Variants in DSCAML1 observed in about 807,000 individuals in gnomAD.
DSCAML1 encodes the protein cell adhesion molecule DSCAML1.
DSCAML1 carries 38 observed loss-of-function variants against 200.5 expected under a neutral mutation model. The ratio of observed to expected loss-of-function variants is 0.19; its 90% CI spans 0.15 to 0.25. DSCAML1 has a LOEUF of 0.25. DSCAML1 is among the 10% of genes least tolerant of loss of function. The pLI, the probability that DSCAML1 is intolerant of heterozygous loss-of-function variation, is 1.00. For synonymous variants in DSCAML1, 1,215 were observed against 1,165.0 expected, an observed-to-expected ratio of 1.04 and a Z score of -0.87; for missense variants, 2,223 against 2,858.8, an observed-to-expected ratio of 0.78 and a Z score of 5.07.
chr11:117,640,688 G>A (rs778240576), intron 3 of DSCAML1, among the ~76,000 whole-genome samples: 1 of 152,092 alleles, frequency 6.6e-6, no homozygotes, highest in Non-Finnish European at 1.5e-5. Context: ...TTTCTTTCAC[G>A]TGGTGCTTGC....
intron 3 of DSCAML1, among the ~76,000 whole-genome samples, chr11:117,705,223 C>A (rs2137755388): frequency 6.6e-6 from 1 of 152,264 alleles, no homozygotes. Flanking sequence ...TCCCAGAGAA[C>A]CCTCTGATGG....
intron 14 of DSCAML1, among the ~76,000 whole-genome samples, chr11:117,479,881 C>T (rs2048874330): frequency 6.6e-6 from 1 of 152,156 alleles, no homozygotes; most frequent in South Asian, 2.1e-4. Context: ...CTCCTGACCT[C>T]AGGTGATCCA....
intron 3 of DSCAML1, among the ~76,000 whole-genome samples, chr11:117,616,640 T>C (rs1250356462): frequency 6.6e-6 from 1 of 152,034 alleles, no homozygotes; most frequent in Non-Finnish European, 1.5e-5. Context: ...CTTTTTTTGG[T>C]TGGGGAGGAG....
At chr11:117,666,627 C>G (rs1300785053) in intron 3 of DSCAML1, among the ~76,000 whole-genome samples, 1 of 152,202 alleles carries the variant, frequency 6.6e-6, no homozygotes, top group Non-Finnish European at 1.5e-5. Context: ...AGAACAGCCT[C>G]AGCCTCAGGT....
At chr11:117,732,300 A>G (rs891371659) in intron 3 of DSCAML1, among the ~76,000 whole-genome samples, 7 of 152,246 alleles carry the variant, frequency 4.6e-5, no homozygotes, top group Non-Finnish European at 7.3e-5. Flanking sequence ...AAAGAGACCA[A>G]GAAATGGGCC....
chr11:117,605,551 G>A lies in DSCAML1; in HGVS notation c.512-73029C>T, dbSNP rs537105589. Among the ~76,000 whole-genome samples the A allele has an allele frequency of 8.7e-4, 132 of 152,332 alleles. 1 individual carries two copies. The highest frequency in any genetic ancestry group is 3.1e-3 in the African/African-American group (130 of 41,568). On this transcript the variant is annotated intron_variant, in intron 3 of 32. Coordinates refer to ENST00000651296, the MANE Select transcript of DSCAML1 (RefSeq NM_020693.4). ...TGCCACCTGGCTTCTTTTAGTCCTG[G>A]GCACGTGGAGTCTGTCGTTGTTGGA... is the stretch of plus-strand genomic sequence containing the variant.
rs117445482 is a variant in DSCAML1 at position 117,679,529 on chromosome 11, C to T, written c.511+97262G>A. On this transcript the variant is annotated intron_variant, in intron 3 of 32. Transcript: ENST00000651296. ...AATTTCTCTGACAACCTTGGCCATA[C>T]CCGGTACCCCAGCATAGCCTGCTCA... Among the ~76,000 whole-genome samples, 22 of 152,318 alleles carry T rather than the reference C, an allele frequency of 1.4e-4. No homozygotes were observed. In the East Asian group the frequency reaches 4.1e-3, roughly 28 times the overall value.
intron 3 of DSCAML1, among the ~76,000 whole-genome samples, chr11:117,717,760 A>G (rs557023222): frequency 6.6e-6 from 1 of 152,230 alleles, no homozygotes; most frequent in African/African-American, 2.4e-5. Context: ...GCTGTCCTCG[A>G]GGCACATCTG....
At position 117,698,455 on chromosome 11, in the gene DSCAML1, T is replaced by C. The variant is rs759311203; in HGVS notation, c.511+78336A>G. Among the ~76,000 whole-genome samples, 132 of 152,344 alleles carry C rather than the reference T, an allele frequency of 8.7e-4. 1 individual carries two copies. Among genetic ancestry groups the C allele is most frequent in the Non-Finnish European group, 2.4e-4 (16 of 68,012 alleles). ...CTTGTACATCCTCAATCTATAAATA[T>C]TAAACAAAACTTTTTGGGAACTATC... On this transcript the variant is annotated intron_variant, in intron 3 of 32. Coordinates refer to ENST00000651296, the MANE Select transcript of DSCAML1 (RefSeq NM_020693.4).
chr11:117,815,625 T>G (rs1432157829), intron 1 of DSCAML1, among the ~76,000 whole-genome samples: 1 of 151,994 alleles, frequency 6.6e-6, no homozygotes, highest in Non-Finnish European at 1.5e-5. Flanking sequence ...GCAGCCGCGG[T>G]GACTGGCGGC....
chr11:117,440,572 C>T (rs1470275296), intron 21 of DSCAML1, among the ~76,000 whole-genome samples: 5 of 152,126 alleles, frequency 3.3e-5, no homozygotes, highest in African/African-American at 7.2e-5. Flanking sequence ...TTGGCAGGGC[C>T]AGGAGACTGG....
Position 117,469,961 on chromosome 11 carries a change from C to A in DSCAML1, c.2973G>T (p.Met991Ile). 6.2e-7 allele frequency: 1 copy of A among 1,605,954 alleles called. No homozygotes were observed. Among genetic ancestry groups the A allele is most frequent in the Non-Finnish European group, 8.5e-7 (1 of 1,174,732 alleles). ...TEEAAPDGPP[M>I]DVTLQPVTSQ... ...AGGTCACTGGCTGCAAGGTAACATC[C>A]ATGGGGGGCCCATCGGGAGCTGAGC... Residue 991 changes from methionine to isoleucine, a missense_variant, in exon 16 of 33, where the codon ATG becomes ATT. By Grantham distance (10) the Met-to-Ile change is conservative (BLOSUM62 1). Transcript: ENST00000651296. The surrounding 1 kb of genome is among the most constrained non-coding windows in gnomAD (Gnocchi z 4.1).
chr11:117,553,083 G>C (rs2050496896), intron 3 of DSCAML1, among the ~76,000 whole-genome samples: 1 of 152,214 alleles, frequency 6.6e-6, no homozygotes, highest in Non-Finnish European at 1.5e-5. Context: ...GAGGGATAGG[G>C]AAGGGCTTCC....
At chr11:117,591,101 G>T (rs955081823) in intron 3 of DSCAML1, among the ~76,000 whole-genome samples, 3 of 152,208 alleles carry the variant, frequency 2.0e-5, no homozygotes, top group Non-Finnish European at 4.4e-5. Flanking sequence ...GGAAATCAAT[G>T]ATCCTAGTTC....
chr11:117,647,332 TG>T (rs1194305885), intron 3 of DSCAML1, among the ~76,000 whole-genome samples: 1 of 152,094 alleles, frequency 6.6e-6, no homozygotes. Context: ...ATGAGCCAGG[TG>T]GGCAGTGTTG....
intron 14 of DSCAML1, among the ~76,000 whole-genome samples, chr11:117,472,845 C>T (rs761979634): frequency 1.6e-4 from 25 of 152,268 alleles, no homozygotes; most frequent in Middle Eastern, 3.4e-3. Flanking sequence ...GTTTTGGCTG[C>T]GCACCTATTA....
intron 3 of DSCAML1, among the ~76,000 whole-genome samples, chr11:117,606,394 T>G (rs1379710696): frequency 6.6e-6 from 1 of 152,194 alleles, no homozygotes; most frequent in African/African-American, 2.4e-5. Flanking sequence ...CTGTGCAAAC[T>G]TCCTGCTCCG....
chr11:117,799,469 G>C (rs546550112), upstream of DSCAML1, among the ~76,000 whole-genome samples: 3 of 152,230 alleles, frequency 2.0e-5, no homozygotes, highest in East Asian at 5.8e-4. Flanking sequence ...TTATACACAG[G>C]GGGCTTTAAA....
At position 117,469,928 on chromosome 11, in the gene DSCAML1, G is replaced by T; in HGVS notation, c.3006C>A (p.Ser1002Arg). 1 of 1,607,920 alleles carries T rather than the reference G, an allele frequency of 6.2e-7. No homozygotes were observed. Among genetic ancestry groups the T allele is most frequent in the East Asian group, 2.2e-5 (1 of 44,748 alleles). The change falls in exon 16 of 33, where the codon AGC becomes AGA. Residue 1002 changes from serine to arginine, a missense_variant. Physicochemically the swap from Ser to Arg is moderately radical, Grantham distance 110. Around this residue, in one of 7 missense-constraint regions of DSCAML1, gnomAD observed 438 missense variants for 629.7 expected, o/e 0.70. Transcript: ENST00000651296. The surrounding 1 kb of genome is among the most constrained non-coding windows in gnomAD (Gnocchi z 4.1). ...CACTTACCTTCCAGGTCACCTGGATGCTCTGTGAGGTCACTGGCTGCAAGG... is the reference window on the plus strand; with the variant it reads ...CACTTACCTTCCAGGTCACCTGGATTCTCTGTGAGGTCACTGGCTGCAAGG... ...DVTLQPVTSQSIQVTWKAPKK... is the reference protein window; with the variant it reads ...DVTLQPVTSQRIQVTWKAPKK...
Sources: allele counts gnomAD v4.1 joint callset (sites outside exome capture counted in the v4.1 genomes callset), GRCh38; gene constraint gnomAD v4.1.1; regional missense constraint gnomAD v4.1.1; non-coding constraint Gnocchi (gnomAD v3.1); transcripts MANE v1.5; gene names NCBI Gene and HGNC (gene_info 2026-07-23, HGNC 2026-07-21).